The following EPB41L2 variants were observed in gnomAD, a reference collection of about 807,000 sequenced individuals.
EPB41L2 encodes the protein band 4.1-like protein 2.
A neutral mutation model predicts 113.0 loss-of-function variants in EPB41L2; 43 were observed. The observed-to-expected ratio is 0.38, with a 90% CI of 0.30 to 0.49. The LOEUF is 0.49. EPB41L2 is among the 20% of genes least tolerant of loss of function. The probability of loss-of-function intolerance (pLI) is 0.95; values close to 1 mark genes in which losing one functional copy is unlikely to be tolerated. For missense variants in EPB41L2, 1,147 were observed against 1,223.4 expected (o/e 0.94, Z 0.93); for synonymous variants, 442 against 436.7 (o/e 1.01, Z -0.15).
chr6:130,943,282 C>G (rs1382776342), intron 3 of EPB41L2, among the ~76,000 whole-genome samples: 1 of 152,138 alleles, frequency 6.6e-6, no homozygotes, highest in Non-Finnish European at 1.5e-5. Flanking sequence ...TTTTAATGAT[C>G]GCCATTCTAA....
intron 1 of EPB41L2, among the ~76,000 whole-genome samples, chr6:131,048,374 A>G (rs1315097942): frequency 6.6e-6 from 1 of 152,124 alleles, no homozygotes; most frequent in Non-Finnish European, 1.5e-5. Context: ...AGCATTCTCT[A>G]TGTCCACAAT....
chr6:130,874,273 T>TA (rs201060395), intron 14 of EPB41L2, among the ~76,000 whole-genome samples: 2,323 of 151,190 alleles, frequency 0.015, 67 homozygotes, highest in African/African-American at 0.053. Context: ...TTTTTTTTTT[T>TA]AAAAAGAAAC....
At chr6:130,848,190 C>A (rs948216730) in intron 19 of EPB41L2, among the ~76,000 whole-genome samples, 1 of 115,528 alleles carries the variant, frequency 8.7e-6, no homozygotes, top group African/African-American at 4.1e-5. Flanking sequence ...CTGTCTCTCT[C>A]TCTCTCTCTC....
At chr6:130,929,497 T>C (rs917899166) in intron 3 of EPB41L2, among the ~76,000 whole-genome samples, 7 of 152,170 alleles carry the variant, frequency 4.6e-5, no homozygotes, top group African/African-American at 1.7e-4. Context: ...CCTGTCCGAC[T>C]CTCAGATGAC....
chr6:130,863,574 T>C (rs1782814971), intron 18 of EPB41L2, 64 bp downstream of exon 18: 2 of 1,170,832 alleles, frequency 1.7e-6, no homozygotes, highest in African/African-American at 1.5e-5. Context: ...TGCGACATGA[T>C]GACAAATGTG....
chr6:130,849,095 C>T (rs1208372089), intron 19 of EPB41L2, among the ~76,000 whole-genome samples: 1 of 152,120 alleles, frequency 6.6e-6, no homozygotes, highest in Non-Finnish European at 1.5e-5. Flanking sequence ...GGAGACTGGG[C>T]CCCAAGGGCC....
At chr6:130,909,990 G>C (rs1222881829) in intron 4 of EPB41L2, among the ~76,000 whole-genome samples, 1 of 152,126 alleles carries the variant, frequency 6.6e-6, no homozygotes. Flanking sequence ...TCTCCATCAA[G>C]CTACCATTGA....
At chr6:130,927,790 T>G (rs1299256612) in intron 3 of EPB41L2, among the ~76,000 whole-genome samples, 2 of 152,158 alleles carry the variant, frequency 1.3e-5, no homozygotes, top group African/African-American at 2.4e-5. Context: ...TAACATTATT[T>G]CAACATAATA....
At chr6:131,013,071 T>C (rs1397652938) in intron 1 of EPB41L2, among the ~76,000 whole-genome samples, 1 of 152,152 alleles carries the variant, frequency 6.6e-6, no homozygotes, top group Admixed American at 6.5e-5. Flanking sequence ...GTAAAAGGTG[T>C]AACCAATGTA....
intron 9 of EPB41L2, 45 bp from the exon 10 acceptor site, chr6:130,894,486 T>C (rs1793960941): frequency 1.3e-6 from 2 of 1,538,542 alleles, no homozygotes; most frequent in Non-Finnish European, 1.8e-6. Flanking sequence ...CCTTAAGAAC[T>C]GACTAGAAGT....
chr6:130,904,317 T>C (rs1164041823), intron 6 of EPB41L2, 148 bp downstream of exon 6: 1 of 451,452 alleles, frequency 2.2e-6, no homozygotes, highest in African/African-American at 2.0e-5. Flanking sequence ...TTCAAACTAT[T>C]TGGATGTACC....
At chr6:131,014,068 A>AC (rs1188466020) in intron 1 of EPB41L2, 1 of 151,468 alleles carries the variant, frequency 6.6e-6, no homozygotes, top group Non-Finnish European at 1.5e-5. Flanking sequence ...TGTGATTAAA[A>AC]AAAAAAAAAA....
At chr6:131,021,366 C>G (rs530134857) in intron 1 of EPB41L2, among the ~76,000 whole-genome samples, 1 of 152,234 alleles carries the variant, frequency 6.6e-6, no homozygotes, top group African/African-American at 2.4e-5. Flanking sequence ...GAACAAAATG[C>G]TGGCCAAAAC....
At chr6:130,937,833 A>AAAAAAAAAAAAAAAG (rs552248781) in intron 3 of EPB41L2, among the ~76,000 whole-genome samples, 42 of 150,344 alleles carry the variant, frequency 2.8e-4, no homozygotes, top group African/African-American at 1.1e-3. Context: ...AAAAAAAAAA[A>AAAAAAAAAAAAAAAG]AAGATTAACA....
intron 1 of EPB41L2, among the ~76,000 whole-genome samples, chr6:130,999,391 C>T (rs1277303554): frequency 2.6e-5 from 4 of 152,186 alleles, no homozygotes; most frequent in Non-Finnish European, 4.4e-5. Flanking sequence ...AGTTTTCAAA[C>T]CATTCTAGGC....
chr6:131,003,136 T>TA (rs200229164), intron 1 of EPB41L2, among the ~76,000 whole-genome samples: 2,447 of 151,014 alleles, frequency 0.016, 62 homozygotes, highest in African/African-American at 0.056. Context: ...AATTCTACAT[T>TA]TAAAAAAAAA....
chr6:130,956,122 G>A lies in EPB41L2; in HGVS notation c.364C>T (p.Gln122Ter), dbSNP rs1817353037. Residue 122 changes from glutamine to a stop codon, truncating the protein, a stop_gained, in exon 2 of 20, where the codon CAG (glutamine) becomes TAG (stop). Transcript: ENST00000337057. LOFTEE classifies it high-confidence loss of function. ...LDKEEPLPEE[Q>*]RQAKGDAEEM... ...TCAGCATCACCCTTAGCCTGTCTCT[G>A]TTCTTCTGGAAGGGGTTCCTCTTTA... 6.2e-7 allele frequency: 1 copy of A among 1,613,936 alleles called. No homozygotes were observed. The highest frequency in any genetic ancestry group is 8.5e-7 in the Non-Finnish European group (1 of 1,180,032).
chr6:130,841,788 T>C (rs1337624018), intron 19 of EPB41L2, among the ~76,000 whole-genome samples: 1 of 152,126 alleles, frequency 6.6e-6, no homozygotes, highest in Non-Finnish European at 1.5e-5. Context: ...GGGATATAGA[T>C]TTGGGCATCA....
chr6:130,910,700 A>G (rs920690048), intron 4 of EPB41L2, among the ~76,000 whole-genome samples: 1 of 152,222 alleles, frequency 6.6e-6, no homozygotes, highest in African/African-American at 2.4e-5. Flanking sequence ...AACTCCATCA[A>G]AAAGTGGGTG....
Sources: allele counts gnomAD v4.1 joint callset (sites outside exome capture counted in the v4.1 genomes callset), GRCh38; gene constraint gnomAD v4.1.1; transcripts MANE v1.5; gene names NCBI Gene and HGNC (gene_info 2026-07-23, HGNC 2026-07-21).